The following NEGR1 variants were observed in gnomAD, a reference collection of about 807,000 sequenced individuals.
NEGR1 encodes the protein IgLON family member 4.
NEGR1 carries 10 observed loss-of-function variants against 40.9 expected under a neutral mutation model. That is an observed-to-expected ratio of 0.24 (90% CI 0.15 to 0.42). NEGR1 has a LOEUF of 0.42. Ranked by LOEUF, NEGR1 falls within the 10% of genes least tolerant of loss-of-function variation. The pLI is 1.00. For synonymous variants in NEGR1, 185 were observed against 166.8 expected, an observed-to-expected ratio of 1.11 and a Z score of -0.84; for missense variants, 352 against 438.9, an observed-to-expected ratio of 0.80 and a Z score of 1.77.
At chr1:71,470,167 C>G (rs533380385) in intron 6 of NEGR1, among the ~76,000 whole-genome samples, 1 of 152,198 alleles carries the variant, frequency 6.6e-6, no homozygotes, top group South Asian at 2.1e-4. Context: ...TCTATATACT[C>G]AGAATGCATC....
chr1:71,706,050 A>G (rs1246779898), intron 3 of NEGR1, among the ~76,000 whole-genome samples: 1 of 152,224 alleles, frequency 6.6e-6, no homozygotes, highest in African/African-American at 2.4e-5. Context: ...TTTTAACTTC[A>G]TATTGCTGAA....
intron 4 of NEGR1, among the ~76,000 whole-genome samples, chr1:71,629,834 T>G (rs754053309): frequency 2.6e-4 from 40 of 151,938 alleles, no homozygotes; most frequent in Admixed American, 2.0e-4. Context: ...TTAAATCCAA[T>G]AAGTTAGAAT....
At chr1:71,620,742 G>A (rs1650583553) in intron 4 of NEGR1, among the ~76,000 whole-genome samples, 1 of 151,892 alleles carries the variant, frequency 6.6e-6, no homozygotes, top group African/African-American at 2.4e-5. Flanking sequence ...AGCATTCACA[G>A]GGGATGAAAA....
intron 6 of NEGR1, among the ~76,000 whole-genome samples, chr1:71,492,101 C>G (rs1430844974): frequency 6.6e-6 from 1 of 152,088 alleles, no homozygotes; most frequent in Non-Finnish European, 1.5e-5. Flanking sequence ...CCTACTGGCA[C>G]TTTGATCTTG....
At chr1:71,412,612 T>C (rs1646330585) in intron 6 of NEGR1, among the ~76,000 whole-genome samples, 1 of 152,200 alleles carries the variant, frequency 6.6e-6, no homozygotes, top group African/African-American at 2.4e-5. Flanking sequence ...ACCATTTTGA[T>C]AGACTATCCT....
intron 3 of NEGR1, among the ~76,000 whole-genome samples, chr1:71,765,220 G>C (rs973169196): frequency 2.0e-5 from 3 of 152,042 alleles, no homozygotes; most frequent in African/African-American, 7.2e-5. Context: ...ACTGCACATT[G>C]CCCAACCAAT....
intron 1 of NEGR1, among the ~76,000 whole-genome samples, chr1:72,172,574 T>C (rs1040975791): frequency 6.6e-6 from 1 of 152,124 alleles, no homozygotes; most frequent in Non-Finnish European, 1.5e-5. Context: ...TTCAAAAAAA[T>C]GGTATTCTTT....
chr1:71,976,680 A>T (rs1338922534), intron 1 of NEGR1, among the ~76,000 whole-genome samples: 1 of 152,204 alleles, frequency 6.6e-6, no homozygotes, highest in Non-Finnish European at 1.5e-5. Flanking sequence ...AAATAAAAAT[A>T]AATTTTATTG....
intron 2 of NEGR1, among the ~76,000 whole-genome samples, chr1:71,786,711 C>T (rs922861086): frequency 6.6e-6 from 1 of 152,030 alleles, no homozygotes; most frequent in Non-Finnish European, 1.5e-5. Context: ...ATCAACATGG[C>T]CACAAATTTT....
In NEGR1 at chr1:71,402,381, C is replaced by T. The variant is rs1354446512; in HGVS notation, c.*5065G>A. 6.6e-6 allele frequency: 1 copy of T among 152,142 alleles called. No homozygotes were observed. The highest frequency in any genetic ancestry group is 1.5e-5 in the Non-Finnish European group (1 of 68,010). The allele number at this position is 152,142 out of a possible 1,614,324, so 9.4% of individuals were successfully genotyped here. ...TGCCACAATTGTCTCTGAAATGAAG[C>T]ATGTTTCTTAGACTGAAGGAAAGCC... On this transcript the variant is annotated 3_prime_UTR_variant, in exon 7 of 7. Coordinates refer to ENST00000357731, the MANE Select transcript of NEGR1 (RefSeq NM_173808.3).
At chr1:72,214,601 T>A (rs1434543782) in intron 1 of NEGR1, among the ~76,000 whole-genome samples, 2 of 151,878 alleles carry the variant, frequency 1.3e-5, no homozygotes, top group Non-Finnish European at 2.9e-5. Flanking sequence ...ATGAGGGAAC[T>A]CCCATTCACA....
chr1:71,736,476 ATCATAGAGAAAG>A (rs1317320287), intron 3 of NEGR1, among the ~76,000 whole-genome samples: 2 of 152,170 alleles, frequency 1.3e-5, no homozygotes, highest in Non-Finnish European at 2.9e-5. Flanking sequence ...TCGAGCAGCA[ATCATAGAGAAAG>A]TCATAATGTG....
chr1:71,407,631 A>G, intron 6 of NEGR1, 61 bp from the exon 7 acceptor site: 2 of 1,564,472 alleles, frequency 1.3e-6, no homozygotes. Flanking sequence ...GATCTTGACA[A>G]TAATCAAAAG....
At chr1:71,520,117 G>A (rs1215007866) in intron 6 of NEGR1, among the ~76,000 whole-genome samples, 3 of 152,084 alleles carry the variant, frequency 2.0e-5, no homozygotes, top group African/African-American at 7.2e-5. Context: ...AGGAGTTGGA[G>A]TCAGACGAAC....
chr1:72,153,596 G>GAGTT (rs1651247256), intron 1 of NEGR1, among the ~76,000 whole-genome samples: 1 of 151,820 alleles, frequency 6.6e-6, no homozygotes, highest in African/African-American at 2.4e-5. Flanking sequence ...ATACATGATA[G>GAGTT]AGTTAAATAA....
chr1:71,656,949 A>AAAGGTC (rs1243377182), intron 4 of NEGR1, among the ~76,000 whole-genome samples: 1 of 152,214 alleles, frequency 6.6e-6, no homozygotes, highest in African/African-American at 2.4e-5. Flanking sequence ...AAATTGGCCC[A>AAAGGTC]AAGGTCATAA....
chr1:71,749,020 T>C lies in NEGR1; in HGVS notation c.535+27152A>G, dbSNP rs549993752. On this transcript the variant is annotated intron_variant, in intron 3 of 6. Transcript: ENST00000357731. ...AGTATTTTTGTTTTTCTGGAAATCA[T>C]TGAGAACTTGTTAACTTAAAATAAG... is the stretch of plus-strand genomic sequence containing the variant. Among the ~76,000 whole-genome samples, 5 of 152,312 alleles carry C rather than the reference T, an allele frequency of 3.3e-5. No homozygotes were observed. The East Asian group carries it at 9.7e-4, about 29-fold the overall frequency.
chr1:71,608,688 T>A (rs1650146691), intron 5 of NEGR1, among the ~76,000 whole-genome samples: 1 of 152,166 alleles, frequency 6.6e-6, no homozygotes, highest in South Asian at 2.1e-4. Context: ...TGTAAAATAG[T>A]CTGTCAGTGT....
chr1:71,430,788 G>A (rs550777301), intron 6 of NEGR1, among the ~76,000 whole-genome samples: 17 of 137,856 alleles, frequency 1.2e-4, no homozygotes, highest in Non-Finnish European at 2.3e-4. Flanking sequence ...CTCACTGCAA[G>A]CTCCGCCTCC....
Sources: allele counts gnomAD v4.1 joint callset (sites outside exome capture counted in the v4.1 genomes callset), GRCh38; gene constraint gnomAD v4.1.1; transcripts MANE v1.5; gene names NCBI Gene and HGNC (gene_info 2026-07-23, HGNC 2026-07-21).